Variants in SPIDR observed in about 807,000 individuals in gnomAD.
SPIDR encodes scaffold protein involved in DNA repair.
In SPIDR, 93 loss-of-function variants were observed where a neutral mutation model predicts 104.6. The observed-to-expected ratio is 0.89, with a 90% CI of 0.75 to 1.06. The LOEUF is 1.06. Ranked by LOEUF, SPIDR falls within the 50% of genes least tolerant of loss-of-function variation. SPIDR has a pLI of 0.00. For synonymous variants in SPIDR, 431 were observed against 416.9 expected (o/e 1.03, Z -0.41); for missense variants, 1,154 against 1,111.2 (o/e 1.04, Z -0.55).
chr8:47,303,404 A>T (rs1383266541), intron 5 of SPIDR, among the ~76,000 whole-genome samples: 1 of 152,168 alleles, frequency 6.6e-6, no homozygotes, highest in Non-Finnish European at 1.5e-5. Flanking sequence ...GGGTGAGGTG[A>T]TGCCTCGCCC....
chr8:47,402,290 C>T (rs1003987788), intron 6 of SPIDR, among the ~76,000 whole-genome samples: 1 of 151,954 alleles, frequency 6.6e-6, no homozygotes, highest in Non-Finnish European at 1.5e-5. Context: ...TCACAATTAA[C>T]AGAACTAGAG....
At chr8:47,407,555 A>G (rs996672534) in intron 6 of SPIDR, among the ~76,000 whole-genome samples, 2 of 152,216 alleles carry the variant, frequency 1.3e-5, no homozygotes, top group Non-Finnish European at 2.9e-5. Context: ...GATTGAATAA[A>G]TGAACTAAGA....
intron 5 of SPIDR, among the ~76,000 whole-genome samples, chr8:47,354,639 T>C (rs1479846673): frequency 2.0e-5 from 3 of 152,158 alleles, no homozygotes; most frequent in Non-Finnish European, 4.4e-5. Context: ...TTATTTATTT[T>C]AAATTTTTTA....
chr8:47,731,254 GAA>G (rs780100344), intron 19 of SPIDR, among the ~76,000 whole-genome samples: 8 of 131,228 alleles, frequency 6.1e-5, no homozygotes, highest in East Asian at 4.3e-4. Context: ...CTCCGTCTCA[GAA>G]AAAAAAAAAA....
At chr8:47,388,452 A>C (rs2060201048) in intron 5 of SPIDR, 1 of 154,202 alleles carries the variant, frequency 6.5e-6, no homozygotes, top group Non-Finnish European at 1.5e-5. Flanking sequence ...GAGTAACTTA[A>C]GATGAAGTTG....
Position 47,735,663 on chromosome 8 carries a change from C to T in SPIDR, c.*213C>T. Reference sequence around the variant, plus strand: ...TCTACAGTTTATCTTTTATTTTCTGCAAATTTAGGAACATATTTACTCGTT... The same window carrying T: ...TCTACAGTTTATCTTTTATTTTCTGTAAATTTAGGAACATATTTACTCGTT... On this transcript the variant is annotated 3_prime_UTR_variant, in exon 20 of 20. Coordinates refer to ENST00000297423, the MANE Select transcript of SPIDR (RefSeq NM_001080394.4). The T allele has an allele frequency of 9.9e-7, 1 of 1,011,272 alleles. No individual in the cohort carries two copies. Among genetic ancestry groups the T allele is most frequent in the Non-Finnish European group, 1.4e-6 (1 of 718,332 alleles). 62.6% of individuals were successfully genotyped at this position (1,011,272 alleles called of 1,614,324 possible).
In SPIDR at chr8:47,698,774, TA is replaced by T. The variant is rs548820772; in HGVS notation, c.1686-1625del. ...GTTATAAATGGGAGAAGCTTTAGTT[TA>T]AAATAAAACAATATGTCACAGGTGC... On this transcript the variant is annotated intron_variant, in intron 11 of 19. Coordinates refer to ENST00000297423, the MANE Select transcript of SPIDR (RefSeq NM_001080394.4). 1.4e-4 allele frequency among the ~76,000 whole-genome samples: 21 copies of T among 152,340 alleles called. No homozygotes were observed. In the South Asian group the frequency reaches 4.1e-3, roughly 30 times the overall value.
intron 7 of SPIDR, among the ~76,000 whole-genome samples, chr8:47,423,936 A>G (rs1218526448): frequency 1.3e-5 from 2 of 152,240 alleles, no homozygotes; most frequent in African/African-American, 4.8e-5. Flanking sequence ...GATGGTGAAC[A>G]GTGATTACTA....
At chr8:47,725,773 A>G (rs150688848) in intron 16 of SPIDR, among the ~76,000 whole-genome samples, 48 of 152,364 alleles carry the variant, frequency 3.2e-4, no homozygotes, top group African/African-American at 1.1e-3. Flanking sequence ...ACAATGGCTT[A>G]TGGACCTCAG....
chr8:47,282,642 A>G (rs1554559561), intron 2 of SPIDR, among the ~76,000 whole-genome samples: 6 of 152,198 alleles, frequency 3.9e-5, no homozygotes, highest in Non-Finnish European at 5.9e-5. Flanking sequence ...TCAATTTTCT[A>G]TCCAGATTGC....
At chr8:47,290,208 A>AT (rs1241729764) in intron 3 of SPIDR, among the ~76,000 whole-genome samples, 2 of 152,026 alleles carry the variant, frequency 1.3e-5, no homozygotes, top group African/African-American at 4.8e-5. Context: ...CGCCTGGCTA[A>AT]TTTTTTGTAT....
chr8:47,306,297 C>A (rs1249354293), intron 5 of SPIDR, among the ~76,000 whole-genome samples: 2 of 151,990 alleles, frequency 1.3e-5, no homozygotes, highest in Non-Finnish European at 2.9e-5. Context: ...CACGCCACCA[C>A]GCCTAGCTAA....
intron 5 of SPIDR, among the ~76,000 whole-genome samples, chr8:47,345,356 G>T (rs1453302681): frequency 1.3e-5 from 2 of 152,142 alleles, no homozygotes; most frequent in African/African-American, 4.8e-5. Flanking sequence ...TGCTGTTTTG[G>T]TTACTGTAGC....
intron 10 of SPIDR, among the ~76,000 whole-genome samples, chr8:47,601,794 C>T (rs560230272): frequency 6.6e-6 from 1 of 152,214 alleles, no homozygotes; most frequent in East Asian, 1.9e-4. Context: ...GTGTTTTGCC[C>T]TGGGGAGACT....
intron 8 of SPIDR, among the ~76,000 whole-genome samples, chr8:47,455,298 A>G (rs2072738411): frequency 6.6e-6 from 1 of 152,166 alleles, no homozygotes; most frequent in Non-Finnish European, 1.5e-5. Context: ...AGTTAGTATT[A>G]TTCAAAGGAT....
At chr8:47,455,036 A>G (rs1465307818) in intron 8 of SPIDR, among the ~76,000 whole-genome samples, 2 of 152,210 alleles carry the variant, frequency 1.3e-5, no homozygotes, top group African/African-American at 4.8e-5. Flanking sequence ...TTTGAAGCCA[A>G]AAGAAAAAAA....
At chr8:47,493,705 A>T (rs1184588415) in intron 8 of SPIDR, among the ~76,000 whole-genome samples, 1 of 152,172 alleles carries the variant, frequency 6.6e-6, no homozygotes, top group East Asian at 1.9e-4. Context: ...GTTCTGTCAT[A>T]GGACTTGAAA....
chr8:47,645,600 A>T (rs2070191083), intron 10 of SPIDR, among the ~76,000 whole-genome samples: 1 of 152,202 alleles, frequency 6.6e-6, no homozygotes, highest in South Asian at 2.1e-4. Context: ...ACATCTAGCT[A>T]TGGGAAACAG....
chr8:47,434,658 C>T (rs541811309), intron 7 of SPIDR, among the ~76,000 whole-genome samples: 53 of 152,102 alleles, frequency 3.5e-4, no homozygotes, highest in Non-Finnish European at 6.3e-4. Context: ...TCTCTCCCCT[C>T]ATACTAACTT....
Sources: allele counts gnomAD v4.1 joint callset (sites outside exome capture counted in the v4.1 genomes callset), GRCh38; gene constraint gnomAD v4.1.1; transcripts MANE v1.5; gene names NCBI Gene and HGNC (gene_info 2026-07-23, HGNC 2026-07-21).